Variants in MS4A4A observed in about 807,000 individuals in gnomAD.
The protein encoded by MS4A4A is membrane spanning 4-domains A4A.
A neutral mutation model predicts 28.0 loss-of-function variants in MS4A4A; 26 were observed. The ratio of observed to expected loss-of-function variants is 0.93; its 90% CI spans 0.68 to 1.29. The LOEUF is 1.29. Among genes scored for constraint, MS4A4A ranks in the 50% most tolerant of loss-of-function variants. The probability of loss-of-function intolerance (pLI) is 0.00; values close to 1 mark genes in which losing one functional copy is unlikely to be tolerated. For missense variants in MS4A4A, 290 were observed against 293.1 expected (o/e 0.99, Z 0.08); for synonymous variants, 86 against 100.8 (o/e 0.85, Z 0.88).
Position 60,292,944 on chromosome 11 carries a change from G to A in MS4A4A, c.201+560G>A, listed in dbSNP as rs184447953. Among the ~76,000 whole-genome samples the A allele has an allele frequency of 2.3e-4, 35 of 152,288 alleles. No individual in the cohort carries two copies. The East Asian group carries it at 5.0e-3, about 22-fold the overall frequency. On this transcript the variant is annotated intron_variant, in intron 2 of 6. Transcript: ENST00000337908. ...CAAACCACGGGAAAATGTCACTGTG[G>A]ATATTCTGGATCCTTTTTTCACATT...
intron 1 of MS4A4A, among the ~76,000 whole-genome samples, chr11:60,282,911 T>C (rs1306314438): frequency 2.0e-5 from 3 of 152,154 alleles, no homozygotes; most frequent in Non-Finnish European, 4.4e-5. Flanking sequence ...GTGGATTGAA[T>C]ATCCAAAGCC....
At position 60,306,196 on chromosome 11, in the gene MS4A4A, G is replaced by A. The variant is rs748916122; in HGVS notation, c.643G>A (p.Gly215Ser). 1 of 1,608,958 alleles carries A rather than the reference G, an allele frequency of 6.2e-7. No individual in the cohort carries two copies. Among genetic ancestry groups the A allele is most frequent in the Admixed American group, 1.7e-5 (1 of 59,926 alleles). Residue 215 changes from glycine (G) to serine (S), a missense_variant, in exon 6 of 7, where the codon GGT becomes AGT. Gly to Ser is a moderately conservative substitution (Grantham distance 56). Transcript: ENST00000337908. ...FGCKVLCCTP[G>S]GVVLILPSHS... is the part of the protein sequence containing the mutation. ...ATGTAAAGTGCTCTGTTGTACCCCT[G>A]GTGGGGTGAGTATTGGCCTTCATTT...
At chr11:60,297,102 A>G in intron 2 of MS4A4A, 95 bp from the exon 3 acceptor site, 4 of 1,437,552 alleles carry the variant, frequency 2.8e-6, no homozygotes, top group Non-Finnish European at 3.9e-6. Context: ...TATCAAATGA[A>G]GGAGAATAAG....
chr11:60,296,309 T>C (rs1242692259), intron 2 of MS4A4A, among the ~76,000 whole-genome samples: 2 of 152,008 alleles, frequency 1.3e-5, no homozygotes, highest in Non-Finnish European at 2.9e-5. Context: ...GGGAACTGTA[T>C]TGATGTTCCT....
At chr11:60,286,580 G>T (rs957903789) in intron 1 of MS4A4A, among the ~76,000 whole-genome samples, 2 of 152,170 alleles carry the variant, frequency 1.3e-5, no homozygotes, top group African/African-American at 4.8e-5. Flanking sequence ...ACAGTAGTTT[G>T]TTATTAATGA....
At chr11:60,292,110 A>G (rs2084862180) in intron 1 of MS4A4A, 115 bp from the exon 2 acceptor site, 4 of 1,271,462 alleles carry the variant, frequency 3.1e-6, no homozygotes, top group East Asian at 2.8e-5. Flanking sequence ...AGCTATTATG[A>G]TATGGGAAGA....
intron 1 of MS4A4A, among the ~76,000 whole-genome samples, chr11:60,283,151 G>GA (rs1268141030): frequency 6.6e-6 from 1 of 152,148 alleles, no homozygotes; most frequent in Non-Finnish European, 1.5e-5. Context: ...GGAGTACCCT[G>GA]ATGCCATTGT....
intron 1 of MS4A4A, among the ~76,000 whole-genome samples, chr11:60,290,763 AC>A (rs1332189663): frequency 3.3e-5 from 5 of 151,764 alleles, no homozygotes; most frequent in Admixed American, 1.3e-4. Context: ...TCTGAAATTC[AC>A]CCCCCTTCTT....
At chr11:60,282,297 T>G in intron 1 of MS4A4A, among the ~76,000 whole-genome samples, 1 of 152,214 alleles carries the variant, frequency 6.6e-6, no homozygotes, top group East Asian at 1.9e-4. Context: ...AGTCTGAAGG[T>G]GTGCCTGAGA....
rs1410895944 is a variant in MS4A4A, at chr11:60,304,562, G to A, written c.547-1538G>A. ...AAGTAATGGTTCTATTCTTGCCTGG[G>A]CACCTGCACAATCAGTCCACAGGTC... On this transcript the variant is annotated intron_variant, in intron 5 of 6. Coordinates refer to ENST00000337908, the MANE Select transcript of MS4A4A (RefSeq NM_148975.3). Among the ~76,000 whole-genome samples the A allele has an allele frequency of 3.3e-5, 5 of 152,146 alleles. No homozygotes were observed. In the East Asian group the frequency reaches 9.6e-4, roughly 29 times the overall value.
At chr11:60,288,203 C>T (rs2084819655) in intron 1 of MS4A4A, among the ~76,000 whole-genome samples, 1 of 152,196 alleles carries the variant, frequency 6.6e-6, no homozygotes, top group Non-Finnish European at 1.5e-5. Context: ...TTTGTGACAT[C>T]CTTTGAAACT....
intron 3 of MS4A4A, 141 bp downstream of exon 3, chr11:60,297,466 T>C: frequency 1.1e-6 from 1 of 924,414 alleles, no homozygotes; most frequent in Non-Finnish European, 1.6e-6. Flanking sequence ...CTCAATTTTC[T>C]CATATTTAAA....
chr11:60,296,613 T>G (rs1213993765), intron 2 of MS4A4A, among the ~76,000 whole-genome samples: 1 of 152,144 alleles, frequency 6.6e-6, no homozygotes, highest in Admixed American at 6.5e-5. Context: ...ATGCTATATA[T>G]CTTCCTCTAA....
chr11:60,301,477 A>G (rs151327954), intron 4 of MS4A4A, among the ~76,000 whole-genome samples: 181 of 152,336 alleles, frequency 1.2e-3, no homozygotes, highest in African/African-American at 3.9e-3. Context: ...AGAAATTCAC[A>G]ATAAGGTTAT....
chr11:60,301,856 C>T (rs1167702302), intron 4 of MS4A4A, among the ~76,000 whole-genome samples: 3 of 152,070 alleles, frequency 2.0e-5, no homozygotes, highest in Non-Finnish European at 2.9e-5. Flanking sequence ...CTCGGCTCAC[C>T]GCAACCTCCG....
chr11:60,289,578 T>A (rs996047976), intron 1 of MS4A4A, among the ~76,000 whole-genome samples: 2 of 105,390 alleles, frequency 1.9e-5, no homozygotes, highest in Non-Finnish European at 4.2e-5. Context: ...TTGGGGAGTG[T>A]GTGTGTGTGT....
intron 5 of MS4A4A, 59 bp downstream of exon 5, chr11:60,302,776 C>A: frequency 6.7e-7 from 1 of 1,499,478 alleles, no homozygotes; most frequent in Non-Finnish European, 9.2e-7. Context: ...GGAGTGCTGG[C>A]TCTGGCAAAG....
intron 5 of MS4A4A, among the ~76,000 whole-genome samples, chr11:60,303,244 A>T (rs888720415): frequency 6.6e-6 from 1 of 152,226 alleles, no homozygotes; most frequent in East Asian, 1.9e-4. Context: ...TTTTGTACCA[A>T]TTGTTCTTAT....
intron 1 of MS4A4A, chr11:60,282,838 C>G (rs1479896504): frequency 1.1e-6 from 1 of 876,534 alleles, no homozygotes; most frequent in Non-Finnish European, 1.5e-6. Flanking sequence ...TAAAAGAAGG[C>G]TTTTAAAGGG....
Sources: allele counts gnomAD v4.1 joint callset (sites outside exome capture counted in the v4.1 genomes callset), GRCh38; gene constraint gnomAD v4.1.1; transcripts MANE v1.5; gene names NCBI Gene and HGNC (gene_info 2026-07-23, HGNC 2026-07-21).